The following FOXP1 variants were observed in gnomAD, a reference collection of about 807,000 sequenced individuals.
FOXP1 encodes forkhead box protein P1.
In FOXP1, 15 loss-of-function variants were observed where a neutral mutation model predicts 98.2. That is an observed-to-expected ratio of 0.15 (90% confidence interval 0.10 to 0.24). The LOEUF is 0.24. Among genes scored for constraint, FOXP1 ranks in the 10% least tolerant of loss-of-function variants. The pLI is 1.00. For missense variants in FOXP1, 633 were observed against 848.5 expected (o/e 0.75, Z 3.15); for synonymous variants, 371 against 314.5 (o/e 1.18, Z -1.90).
intron 5 of FOXP1, among the ~76,000 whole-genome samples, chr3:71,223,379 C>CA (rs554175456): frequency 1.1e-3 from 162 of 152,214 alleles, no homozygotes; most frequent in Admixed American, 2.5e-3. Flanking sequence ...AAACCCAGTT[C>CA]AAATATTACC....
intron 6 of FOXP1, chr3:71,130,687 C>T (rs750522482): frequency 2.8e-5 from 44 of 1,573,290 alleles, no homozygotes; most frequent in Non-Finnish European, 3.5e-5. Context: ...GGAACATTGC[C>T]CTTTGTAGGC....
chr3:70,986,896 T>A (rs2039837589), intron 14 of FOXP1, among the ~76,000 whole-genome samples: 2 of 152,228 alleles, frequency 1.3e-5, no homozygotes. Flanking sequence ...GCTACCATAT[T>A]TGCTGGGTTA....
intron 2 of FOXP1, among the ~76,000 whole-genome samples, chr3:71,520,985 C>G (rs2107447956): frequency 6.6e-6 from 1 of 152,266 alleles, no homozygotes; most frequent in Admixed American, 6.5e-5. Context: ...CACCCAATAT[C>G]CACTCAGCAA....
chr3:71,011,879 A>G (rs980969834), intron 12 of FOXP1, among the ~76,000 whole-genome samples: 1 of 152,184 alleles, frequency 6.6e-6, no homozygotes, highest in African/African-American at 2.4e-5. Context: ...GGGCTCTTTT[A>G]TAGGAATTGA....
At chr3:71,486,045 C>G (rs1487424654) in intron 3 of FOXP1, among the ~76,000 whole-genome samples, 1 of 151,912 alleles carries the variant, frequency 6.6e-6, no homozygotes, top group Non-Finnish European at 1.5e-5. Context: ...CTTAAAGAAC[C>G]ACGGAATCTA....
At chr3:71,185,782 A>G (rs1162455251) in intron 6 of FOXP1, among the ~76,000 whole-genome samples, 1 of 152,234 alleles carries the variant, frequency 6.6e-6, no homozygotes, top group Non-Finnish European at 1.5e-5. Flanking sequence ...TCAGAAGCCA[A>G]ACCCATATAG....
intron 3 of FOXP1, among the ~76,000 whole-genome samples, chr3:71,399,994 A>G (rs1166269478): frequency 6.6e-6 from 1 of 152,230 alleles, no homozygotes; most frequent in African/African-American, 2.4e-5. Context: ...GAAACTCAAA[A>G]CACCAATGCC....
intron 3 of FOXP1, among the ~76,000 whole-genome samples, chr3:71,466,468 C>A (rs1369004138): frequency 6.6e-6 from 1 of 152,198 alleles, no homozygotes; most frequent in Non-Finnish European, 1.5e-5. Context: ...CAATACATAA[C>A]AGAGAAGCTA....
At chr3:71,038,239 T>C (rs1026890715) in intron 11 of FOXP1, among the ~76,000 whole-genome samples, 3 of 152,172 alleles carry the variant, frequency 2.0e-5, no homozygotes, top group African/African-American at 7.2e-5. Flanking sequence ...ACACTACCTT[T>C]TTCCAGCAAA....
At chr3:71,301,624 G>C (rs9848576) in intron 4 of FOXP1, among the ~76,000 whole-genome samples, 2,855 of 152,142 alleles carry the variant, frequency 0.019, 98 homozygotes, top group African/African-American at 0.064. Flanking sequence ...TTGCATGTTT[G>C]GCAGTCAGAC....
At chr3:71,274,976 C>T (rs950544567) in intron 5 of FOXP1, among the ~76,000 whole-genome samples, 2 of 152,176 alleles carry the variant, frequency 1.3e-5, no homozygotes, top group Non-Finnish European at 2.9e-5. Flanking sequence ...AATTAAACAG[C>T]ACCAAAGAGG....
chr3:71,219,061 A>C (rs2065157184), intron 5 of FOXP1, among the ~76,000 whole-genome samples: 1 of 152,202 alleles, frequency 6.6e-6, no homozygotes, highest in East Asian at 1.9e-4. Context: ...CCTATTCCAA[A>C]TAAGGAATTA....
intron 12 of FOXP1, among the ~76,000 whole-genome samples, chr3:71,010,477 G>T (rs1302034046): frequency 6.6e-6 from 1 of 152,062 alleles, no homozygotes; most frequent in Non-Finnish European, 1.5e-5. Context: ...GAAGCATTTC[G>T]GGACTATGCC....
chr3:71,458,835 G>A (rs1459078931), intron 3 of FOXP1, among the ~76,000 whole-genome samples: 3 of 152,192 alleles, frequency 2.0e-5, no homozygotes, highest in Admixed American at 6.5e-5. Flanking sequence ...TTTGGGCACC[G>A]TAGGTTTATC....
At chr3:71,207,595 A>G (rs1416218995) in intron 5 of FOXP1, among the ~76,000 whole-genome samples, 1 of 152,026 alleles carries the variant, frequency 6.6e-6, no homozygotes, top group Non-Finnish European at 1.5e-5. Flanking sequence ...AAAGACCACC[A>G]TTTGCCTCTG....
chr3:71,103,697 G>C (rs1304399578), intron 7 of FOXP1, among the ~76,000 whole-genome samples: 1 of 152,116 alleles, frequency 6.6e-6, no homozygotes, highest in Non-Finnish European at 1.5e-5. Flanking sequence ...GCAAGGTGGG[G>C]GGAGGGAAGA....
At chr3:70,981,594 C>T (rs542163444) in intron 14 of FOXP1, among the ~76,000 whole-genome samples, 2 of 152,242 alleles carry the variant, frequency 1.3e-5, no homozygotes, top group South Asian at 2.1e-4. Context: ...AATTTTATTT[C>T]GAGGAGGGGA....
At chr3:71,242,814 T>C (rs1354609995) in intron 5 of FOXP1, among the ~76,000 whole-genome samples, 2 of 150,418 alleles carry the variant, frequency 1.3e-5, no homozygotes, top group South Asian at 2.1e-4. Flanking sequence ...GCAAATTGAA[T>C]GTCTTATTAA....
At chr3:71,416,822 GC>G (rs1420361749) in intron 3 of FOXP1, among the ~76,000 whole-genome samples, 4 of 152,052 alleles carry the variant, frequency 2.6e-5, no homozygotes, top group Admixed American at 6.5e-5. Context: ...GGTGGTGGCC[GC>G]ATAGAAGGAG....
Sources: gnomAD v4.1 joint callset for allele counts (sites outside exome capture counted in the v4.1 genomes callset) on GRCh38, gnomAD v4.1.1 for gene constraint, MANE v1.5 for transcripts, NCBI Gene and HGNC (gene_info 2026-07-23, HGNC 2026-07-21) for gene names.